Variants in PPFIBP1 observed in about 807,000 individuals in gnomAD.
The protein encoded by PPFIBP1 is liprin-beta-1.
In PPFIBP1, 112 loss-of-function variants were observed where a neutral mutation model predicts 137.8. That is an observed-to-expected ratio of 0.81 (90% CI 0.70 to 0.95). The LOEUF (loss-of-function observed/expected upper bound fraction) is 0.95, where lower values mean the gene tolerates loss of function less well. PPFIBP1 is among the 40% of genes least tolerant of loss of function. The probability of loss-of-function intolerance (pLI) is 0.00; values close to 1 mark genes in which losing one functional copy is unlikely to be tolerated. For synonymous variants in PPFIBP1, 378 were observed against 417.3 expected, an observed-to-expected ratio of 0.91 and a Z score of 1.15; for missense variants, 1,083 against 1,196.6, an observed-to-expected ratio of 0.91 and a Z score of 1.40.
chr12:27,529,054 T>TA (rs533822565), intron 1 of PPFIBP1, among the ~76,000 whole-genome samples: 115 of 152,332 alleles, frequency 7.5e-4, no homozygotes, highest in African/African-American at 2.6e-3. Context: ...GGGGTGCACC[T>TA]AACAATGTCC....
At chr12:27,593,129 C>CAAAAAAAAAAAAAAAAAAAAAA (rs33939858) in intron 2 of PPFIBP1, among the ~76,000 whole-genome samples, 1 of 100,944 alleles carries the variant, frequency 9.9e-6, no homozygotes, top group African/African-American at 4.0e-5. Context: ...AAGAATGTCT[C>CAAAAAAAAAAAAAAAAAAAAAA]AAAAAAAAAA....
intron 19 of PPFIBP1, among the ~76,000 whole-genome samples, chr12:27,678,972 A>T (rs1244522832): frequency 6.6e-6 from 1 of 151,930 alleles, no homozygotes; most frequent in Non-Finnish European, 1.5e-5. Context: ...TATCACAGGC[A>T]TTTAGATACA....
intron 12 of PPFIBP1, among the ~76,000 whole-genome samples, chr12:27,666,842 A>G (rs546399109): frequency 6.6e-6 from 1 of 152,332 alleles, no homozygotes; most frequent in African/African-American, 2.4e-5. Context: ...TAAGCCCCTG[A>G]TTTTAAAACA....
chr12:27,664,114 G>T (rs2054337887), intron 11 of PPFIBP1, among the ~76,000 whole-genome samples: 1 of 152,120 alleles, frequency 6.6e-6, no homozygotes, highest in South Asian at 2.1e-4. Context: ...AAATTTAGAG[G>T]TACTTTGCCC....
intron 2 of PPFIBP1, among the ~76,000 whole-genome samples, chr12:27,629,004 G>A (rs771052561): frequency 2.6e-5 from 4 of 152,108 alleles, no homozygotes; most frequent in Non-Finnish European, 4.4e-5. Context: ...ATATTAAAGG[G>A]ACATTAATTC....
At position 27,676,667 on chromosome 12, in the gene PPFIBP1, C is replaced by G. The variant is rs573067513; in HGVS notation, c.1582+68C>G. 9 of 1,313,394 alleles carry G rather than the reference C, an allele frequency of 6.9e-6. No individual in the cohort carries two copies. In the Admixed American group the frequency reaches 1.8e-4, roughly 26 times the overall value. 81.4% of individuals were successfully genotyped at this position (1,313,394 alleles called of 1,614,324 possible). ...GAGGAAAAGAGCAGTGTCTTCCCTT[C>G]CCTTACTCTTTCATTCATTGATTCA... On this transcript the variant is annotated intron_variant, in intron 18 of 29. Transcript: ENST00000228425.
chr12:27,634,139 C>CTTTTTT (rs375816732), intron 3 of PPFIBP1, among the ~76,000 whole-genome samples: 2 of 111,634 alleles, frequency 1.8e-5, no homozygotes, highest in East Asian at 2.7e-4. Flanking sequence ...CCGGCCATAT[C>CTTTTTT]TTTTTTTTTT....
At chr12:27,566,301 TA>T (rs1836796472) in intron 1 of PPFIBP1, among the ~76,000 whole-genome samples, 1 of 151,526 alleles carries the variant, frequency 6.6e-6, no homozygotes, top group Admixed American at 6.6e-5. Flanking sequence ...AAGAAAAAAC[TA>T]TGTCTCTCAC....
In PPFIBP1 at chr12:27,550,232, G is replaced by A. The variant is rs913229814; in HGVS notation, c.-124+25867G>A. On this transcript the variant is annotated intron_variant, in intron 1 of 29. Coordinates refer to ENST00000228425, the MANE Select transcript of PPFIBP1 (RefSeq NM_003622.4). Reference sequence around the variant, plus strand: ...GAGCTGGGCAGTAATCCAAGGCTCCGGGTGGGGTGTTTGAAGCAGCTGCAG... The same window carrying A: ...GAGCTGGGCAGTAATCCAAGGCTCCAGGTGGGGTGTTTGAAGCAGCTGCAG... Among the ~76,000 whole-genome samples the A allele has an allele frequency of 5.3e-5, 8 of 152,182 alleles. No individual in the cohort carries two copies. In the East Asian group the frequency reaches 1.2e-3, roughly 22 times the overall value.
intron 2 of PPFIBP1, among the ~76,000 whole-genome samples, chr12:27,591,994 G>C (rs2052573955): frequency 6.6e-6 from 1 of 152,202 alleles, no homozygotes; most frequent in Admixed American, 6.5e-5. Flanking sequence ...TGGGGATTTG[G>C]GTTAACTAGA....
In PPFIBP1 at chr12:27,579,422, C is replaced by T. The variant is rs115900222; in HGVS notation, c.-36+1183C>T. ...AGCACCTTGATGAGTAGAAAATTAC[C>T]AGCACCTCAGAGCCTTCCTCCCCTC... On this transcript the variant is annotated intron_variant, in intron 2 of 29. Coordinates refer to ENST00000228425, the MANE Select transcript of PPFIBP1 (RefSeq NM_003622.4). Among the ~76,000 whole-genome samples, 407 of 152,254 alleles carry T rather than the reference C, an allele frequency of 2.7e-3. 1 individual carries two copies. Among genetic ancestry groups the T allele is most frequent in the African/African-American group, 9.0e-3 (375 of 41,544 alleles).
Position 27,679,641 on chromosome 12 carries a change from T to C in PPFIBP1, c.1766+2T>C. The C allele has an allele frequency of 6.2e-7, 1 of 1,613,486 alleles. No homozygotes were observed. On this transcript the variant is annotated splice_donor_variant, in intron 20 of 29. Coordinates refer to ENST00000228425, the MANE Select transcript of PPFIBP1 (RefSeq NM_003622.4). LOFTEE classifies it high-confidence loss of function. ...AGGTATCATGAAACTCTTTGGAAAG[T>C]AAGTAAAGCAGTAAACAAGTGGAAT...
intron 1 of PPFIBP1, among the ~76,000 whole-genome samples, chr12:27,526,395 C>G (rs1299349163): frequency 6.6e-6 from 1 of 152,190 alleles, no homozygotes; most frequent in African/African-American, 2.4e-5. Context: ...CAATATTTCT[C>G]TTTCTCAGTC....
chr12:27,550,328 T>A (rs1193151033), intron 1 of PPFIBP1, among the ~76,000 whole-genome samples: 1 of 152,210 alleles, frequency 6.6e-6, no homozygotes, highest in East Asian at 1.9e-4. Flanking sequence ...CCCCTGATTT[T>A]TTTTGTAAGC....
chr12:27,674,914 G>A (rs921813690), intron 17 of PPFIBP1, among the ~76,000 whole-genome samples: 2 of 148,194 alleles, frequency 1.3e-5, no homozygotes, highest in African/African-American at 2.5e-5. Context: ...CTGGGCTCAG[G>A]TGATTTTCCC....
chr12:27,606,743 C>A (rs2054568159), intron 2 of PPFIBP1, among the ~76,000 whole-genome samples: 1 of 152,118 alleles, frequency 6.6e-6, no homozygotes, highest in East Asian at 1.9e-4. Flanking sequence ...TCTTAGAGTA[C>A]AAAATGTGAT....
chr12:27,662,046 G>A (rs1020086722), intron 11 of PPFIBP1, among the ~76,000 whole-genome samples: 1 of 151,894 alleles, frequency 6.6e-6, no homozygotes, highest in African/African-American at 2.4e-5. Flanking sequence ...TGTTGAATGA[G>A]GGCTTATGAG....
rs1204959688 is a variant in PPFIBP1, at chr12:27,536,841, C to G, written c.-124+12476C>G. ...TGAGCATGGGGTCCTGTGTTACTGC[C>G]CAGGTCACAGGTCCATGAAGATGTC... On this transcript the variant is annotated intron_variant, in intron 1 of 29. Transcript: ENST00000228425. Among the ~76,000 whole-genome samples, 26 of 152,100 alleles carry G rather than the reference C, an allele frequency of 1.7e-4. 1 individual carries two copies. The highest frequency in any genetic ancestry group is 1.7e-3 in the Admixed American group (26 of 15,272).
intron 1 of PPFIBP1, among the ~76,000 whole-genome samples, chr12:27,535,727 G>A (rs1465787421): frequency 6.6e-6 from 1 of 152,158 alleles, no homozygotes; most frequent in African/African-American, 2.4e-5. Context: ...AAAATATAGA[G>A]CATTGAACTC....
Sources: gnomAD v4.1 joint callset for allele counts (sites outside exome capture counted in the v4.1 genomes callset) on GRCh38, gnomAD v4.1.1 for gene constraint, MANE v1.5 for transcripts, NCBI Gene and HGNC (gene_info 2026-07-23, HGNC 2026-07-21) for gene names.